Variants in SOX5 observed in about 807,000 individuals in gnomAD.
The protein encoded by SOX5 is SRY-box transcription factor 5, also known as transcription factor SOX-5.
Under a neutral mutation model 92.0 loss-of-function variants are expected in SOX5, and 9 were observed. The observed-to-expected ratio is 0.10, with a 90% CI of 0.06 to 0.17. SOX5 has a LOEUF of 0.17. Among genes scored for constraint, SOX5 ranks in the 10% least tolerant of loss-of-function variants. The pLI, the probability that SOX5 is intolerant of heterozygous loss-of-function variation, is 1.00. For missense variants in SOX5, 642 were observed against 944.5 expected (o/e 0.68, Z 4.20); for synonymous variants, 344 against 336.3 (o/e 1.02, Z -0.25).
intron 4 of SOX5, among the ~76,000 whole-genome samples, chr12:24,181,217 T>A (rs1048328548): frequency 2.0e-5 from 3 of 152,184 alleles, no homozygotes; most frequent in African/African-American, 7.2e-5. Flanking sequence ...AACACTGACT[T>A]TTTGACCTGG....
At chr12:24,427,256 T>G (rs1326124633) in intron 1 of SOX5, among the ~76,000 whole-genome samples, 1 of 152,226 alleles carries the variant, frequency 6.6e-6, no homozygotes, top group African/African-American at 2.4e-5. Context: ...AAACAGTTCT[T>G]TGAAAGATGT....
intron 9 of SOX5, among the ~76,000 whole-genome samples, chr12:23,599,701 C>T (rs1362168533): frequency 6.6e-6 from 1 of 152,162 alleles, no homozygotes; most frequent in Non-Finnish European, 1.5e-5. Flanking sequence ...GTTTAGCACA[C>T]CTATAACATT....
At chr12:23,611,365 T>TGC (rs1431451515) in intron 8 of SOX5, among the ~76,000 whole-genome samples, 3 of 127,928 alleles carry the variant, frequency 2.3e-5, no homozygotes, top group African/African-American at 8.4e-5. Flanking sequence ...TGTGTGTGTG[T>TGC]GTGCGTGTGT....
At chr12:24,557,535 T>C (rs1953927991) in intron 1 of SOX5, among the ~76,000 whole-genome samples, 1 of 152,314 alleles carries the variant, frequency 6.6e-6, no homozygotes, top group Non-Finnish European at 1.5e-5. Context: ...CTTTCTCCTC[T>C]CCTGATTCCT....
chr12:23,648,283 T>TA (rs2081127600), intron 7 of SOX5, among the ~76,000 whole-genome samples: 1 of 152,174 alleles, frequency 6.6e-6, no homozygotes, highest in Non-Finnish European at 1.5e-5. Flanking sequence ...CTTCAATTTG[T>TA]AAAAAATGCA....
intron 3 of SOX5, among the ~76,000 whole-genome samples, chr12:23,799,378 C>T (rs2095621699): frequency 6.6e-6 from 1 of 152,028 alleles, no homozygotes; most frequent in Non-Finnish European, 1.5e-5. Context: ...TAATGAGTTT[C>T]TGAAGTAAAC....
chr12:24,395,253 A>G (rs1033796546), intron 1 of SOX5, among the ~76,000 whole-genome samples: 6 of 152,304 alleles, frequency 3.9e-5, no homozygotes, highest in South Asian at 2.1e-4. Flanking sequence ...TCTATTAAAA[A>G]AAAAAAGAGC....
At chr12:23,566,698 G>A (rs1012762674) in intron 10 of SOX5, among the ~76,000 whole-genome samples, 1 of 152,112 alleles carries the variant, frequency 6.6e-6, no homozygotes, top group African/African-American at 2.4e-5. Context: ...CGGTTAAATA[G>A]GGATAACACT....
chr12:23,537,065 G>A (rs1434204745), intron 13 of SOX5, among the ~76,000 whole-genome samples: 1 of 152,034 alleles, frequency 6.6e-6, no homozygotes, highest in African/African-American at 2.4e-5. Flanking sequence ...ATATTTTTAT[G>A]TGGGAGATGT....
At chr12:24,114,573 C>CAAAAAAAAAAAAAAAAAAAAAAAAAAAAA (rs55913110) in intron 4 of SOX5, among the ~76,000 whole-genome samples, 2 of 40,596 alleles carry the variant, frequency 4.9e-5, no homozygotes, top group Non-Finnish European at 8.3e-5. Context: ...CACCCCGTCA[C>CAAAAAAAAAAAAAAAAAAAAAAAAAAAAA]AAAAAAAAAA....
intron 4 of SOX5, among the ~76,000 whole-genome samples, chr12:24,200,960 T>C (rs1957457540): frequency 6.6e-6 from 1 of 152,164 alleles, no homozygotes; most frequent in Admixed American, 6.5e-5. Context: ...GGATCTGACG[T>C]CCTCCACTGG....
chr12:24,554,819 G>A (rs961277794), intron 1 of SOX5, among the ~76,000 whole-genome samples: 4 of 152,094 alleles, frequency 2.6e-5, no homozygotes, highest in African/African-American at 7.2e-5. Context: ...CCTCCCCGCC[G>A]ACTCTGGCCC....
intron 1 of SOX5, among the ~76,000 whole-genome samples, chr12:24,553,346 G>A (rs983686494): frequency 1.3e-5 from 2 of 152,206 alleles, no homozygotes; most frequent in African/African-American, 2.4e-5. Flanking sequence ...TGATAGGAGG[G>A]CTGGGAGGGT....
At chr12:24,455,730 G>A (rs1308846043) in intron 1 of SOX5, among the ~76,000 whole-genome samples, 1 of 152,162 alleles carries the variant, frequency 6.6e-6, no homozygotes, top group Admixed American at 6.5e-5. Flanking sequence ...AAACTTTCTA[G>A]ACTCACTCAG....
In SOX5 at chr12:23,647,758, C is replaced by T. The variant is rs576007964; in HGVS notation, c.932-6861G>A. On this transcript the variant is annotated intron_variant, in intron 7 of 14. Coordinates refer to ENST00000451604, the MANE Select transcript of SOX5 (RefSeq NM_006940.6). ...CAGCTTTCTCATCTCTCTCAGCCTTCGTAGAATTGAAGAGAGTTATAGGTC... is the reference window on the plus strand; with the variant it reads ...CAGCTTTCTCATCTCTCTCAGCCTTTGTAGAATTGAAGAGAGTTATAGGTC... Among the ~76,000 whole-genome samples, 461 of 152,274 alleles carry T rather than the reference C, an allele frequency of 3.0e-3. 2 individuals carry two copies. Among genetic ancestry groups the T allele is most frequent in the African/African-American group, 0.01 (418 of 41,562 alleles).
At chr12:23,766,479 T>G (rs971998384) in intron 3 of SOX5, among the ~76,000 whole-genome samples, 12 of 152,292 alleles carry the variant, frequency 7.9e-5, no homozygotes, top group African/African-American at 2.9e-4. Flanking sequence ...CATTATATTT[T>G]GTTTGAATCC....
intron 6 of SOX5, among the ~76,000 whole-genome samples, chr12:23,670,696 A>G (rs947411878): frequency 6.6e-6 from 1 of 152,060 alleles, no homozygotes; most frequent in Non-Finnish European, 1.5e-5. Context: ...TTTCTCAATG[A>G]TAAGGCAAGC....
intron 6 of SOX5, among the ~76,000 whole-genome samples, chr12:23,721,813 C>T (rs1290111068): frequency 3.3e-5 from 5 of 152,180 alleles, no homozygotes; most frequent in South Asian, 4.1e-4. Flanking sequence ...GTTTAGCCTA[C>T]GTGCACAGGC....
chr12:23,996,913 C>T (rs1951084759), intron 4 of SOX5, among the ~76,000 whole-genome samples: 1 of 152,130 alleles, frequency 6.6e-6, no homozygotes, highest in Admixed American at 6.6e-5. Flanking sequence ...GATTGTACAA[C>T]ACTGTGAATG....
Sources: allele counts gnomAD v4.1 joint callset (sites outside exome capture counted in the v4.1 genomes callset), GRCh38; gene constraint gnomAD v4.1.1; transcripts MANE v1.5; gene names NCBI Gene and HGNC (gene_info 2026-07-23, HGNC 2026-07-21).